Variants in MAP2K5 observed in about 807,000 individuals in gnomAD.
The protein encoded by MAP2K5 is dual specificity mitogen-activated protein kinase kinase 5.
In MAP2K5, 49 loss-of-function variants were observed where a neutral mutation model predicts 83.1. The observed-to-expected ratio is 0.59, with a 90% confidence interval of 0.47 to 0.75. MAP2K5 has a LOEUF of 0.75. Ranked by LOEUF, MAP2K5 falls within the 30% of genes least tolerant of loss-of-function variation. The pLI, the probability that MAP2K5 is intolerant of heterozygous loss-of-function variation, is 0.00. For missense variants in MAP2K5, 457 were observed against 557.5 expected (o/e 0.82, Z 1.82); for synonymous variants, 202 against 191.8 (o/e 1.05, Z -0.44).
At chr15:67,751,288 A>G (rs1009419369) in intron 19 of MAP2K5, among the ~76,000 whole-genome samples, 3 of 152,204 alleles carry the variant, frequency 2.0e-5, no homozygotes, top group Non-Finnish European at 4.4e-5. Flanking sequence ...TTGAGCTCCA[A>G]TCAGAAATCT....
intron 15 of MAP2K5, among the ~76,000 whole-genome samples, chr15:67,700,388 A>G (rs1886323691): frequency 6.6e-6 from 1 of 152,232 alleles, no homozygotes; most frequent in African/African-American, 2.4e-5. Context: ...GTTTTAGACA[A>G]GAGTCATGTT....
At chr15:67,558,652 T>C (rs7167339) in intron 2 of MAP2K5, among the ~76,000 whole-genome samples, 22,430 of 152,174 alleles carry the variant, frequency 0.15, 2,145 homozygotes, top group African/African-American at 0.26. Flanking sequence ...AACCCGTGTG[T>C]TTCTCCCCAA....
Position 67,552,057 on chromosome 15 carries a change from G to T in MAP2K5, c.184+1975G>T, listed in dbSNP as rs1398863930. ...ACTTACCCTGTAAAGTGGACTTGGG[G>T]CCTGAGGCTTGGGTTGGTGGGGGCG... On this transcript the variant is annotated intron_variant, in intron 2 of 21. Coordinates refer to ENST00000178640, the MANE Select transcript of MAP2K5 (RefSeq NM_145160.3). This position sits in a 1 kb window ranked among gnomAD's most constrained non-coding sequence, Gnocchi z 4.2. Among the ~76,000 whole-genome samples, 1 of 151,526 alleles carries T rather than the reference G, an allele frequency of 6.6e-6. No individual in the cohort carries two copies. The highest frequency in any genetic ancestry group is 1.5e-5 in the Non-Finnish European group (1 of 67,940).
intron 16 of MAP2K5, among the ~76,000 whole-genome samples, chr15:67,705,779 G>T (rs2088536153): frequency 6.6e-6 from 1 of 152,030 alleles, no homozygotes; most frequent in African/African-American, 2.4e-5. Context: ...GTCCTCTCTG[G>T]TAAAGTACCA....
Position 67,755,735 on chromosome 15 carries a change from T to A in MAP2K5, c.1134+7134T>A, listed in dbSNP as rs968788516. ...GGCTGTCTTATGTCTTCATTAAGTT[T>A]TATGGTTAAATAGAGTCATAAGAAC... On this transcript the variant is annotated intron_variant, in intron 19 of 21. Coordinates refer to ENST00000178640, the MANE Select transcript of MAP2K5 (RefSeq NM_145160.3). This position sits in a 1 kb window ranked among gnomAD's most constrained non-coding sequence, Gnocchi z 4.7. Among the ~76,000 whole-genome samples, 1 of 152,192 alleles carries A rather than the reference T, an allele frequency of 6.6e-6. No individual in the cohort carries two copies. The highest frequency in any genetic ancestry group is 1.9e-4 in the East Asian group (1 of 5,204).
At position 67,806,781 on chromosome 15, in the gene MAP2K5, C is replaced by A. The variant is rs1351131375; in HGVS notation, c.*31C>A. On this transcript the variant is annotated 3_prime_UTR_variant, in exon 22 of 22. Transcript: ENST00000178640. ...CCGCAGGGCACTGAAAGCCCAGGAC[C>A]AGTAACCAAGGAGAACAACCCACCC... 1.3e-6 allele frequency: 2 copies of A among 1,586,930 alleles called. No individual in the cohort carries two copies. The highest frequency in any genetic ancestry group is 1.7e-6 in the Non-Finnish European group (2 of 1,172,174).
chr15:67,748,424 C>G lies in MAP2K5; in HGVS notation c.1102-145C>G. 1 of 826,968 alleles carries G rather than the reference C, an allele frequency of 1.2e-6. No individual in the cohort carries two copies. The highest frequency in any genetic ancestry group is 1.7e-5 in the African/African-American group (1 of 58,560). The allele number at this position is 826,968 out of a possible 1,614,324, so 51.2% of individuals were successfully genotyped here. On this transcript the variant is annotated intron_variant, in intron 18 of 21. Transcript: ENST00000178640. The surrounding 1 kb of genome is among the most constrained non-coding windows in gnomAD (Gnocchi z 4.0). ...GGTACCATTAGAAATAATAGAACCTCCTGAGCATCAATGTTTTTATAAGAG... is the reference window on the plus strand; with the variant it reads ...GGTACCATTAGAAATAATAGAACCTGCTGAGCATCAATGTTTTTATAAGAG...
intron 2 of MAP2K5, among the ~76,000 whole-genome samples, chr15:67,558,023 A>T (rs1207050508): frequency 5.3e-5 from 8 of 152,174 alleles, no homozygotes; most frequent in Admixed American, 5.2e-4. Flanking sequence ...AATTTGTTGA[A>T]ATTTTGGCTG....
Position 67,724,663 on chromosome 15 carries a change from T to C in MAP2K5, c.1045-3253T>C, listed in dbSNP as rs1373339984. On this transcript the variant is annotated intron_variant, in intron 16 of 21. Coordinates refer to ENST00000178640, the MANE Select transcript of MAP2K5 (RefSeq NM_145160.3). The surrounding 1 kb of genome is among the most constrained non-coding windows in gnomAD (Gnocchi z 4.4). ...ACTTGATAAAAAGAGTTCTAGAGCC[T>C]GGCTATATGTTTCCTTCTACTTTTC... Among the ~76,000 whole-genome samples, 2 of 152,236 alleles carry C rather than the reference T, an allele frequency of 1.3e-5. No homozygotes were observed. Among genetic ancestry groups the C allele is most frequent in the Non-Finnish European group, 2.9e-5 (2 of 68,044 alleles).
Position 67,720,033 on chromosome 15 carries a change from G to A in MAP2K5, c.1045-7883G>A, listed in dbSNP as rs1399447298. 1.3e-5 allele frequency among the ~76,000 whole-genome samples: 2 copies of A among 152,038 alleles called. No homozygotes were observed. The highest frequency in any genetic ancestry group is 1.9e-4 in the East Asian group (1 of 5,188). On this transcript the variant is annotated intron_variant, in intron 16 of 21. Transcript: ENST00000178640. This position sits in a 1 kb window ranked among gnomAD's most constrained non-coding sequence, Gnocchi z 5.7. Reference sequence around the variant, plus strand: ...CTGTTGATGGAAATCAACATGGAACGGTTAAAGTGTCTGTAAAGCTACAAA... The same window carrying A: ...CTGTTGATGGAAATCAACATGGAACAGTTAAAGTGTCTGTAAAGCTACAAA...
rs971905585 is a variant in MAP2K5, at chr15:67,760,365, G to A, written c.1135-9237G>A. Among the ~76,000 whole-genome samples the A allele has an allele frequency of 1.3e-5, 2 of 152,082 alleles. 1 individual carries two copies. Among genetic ancestry groups the A allele is most frequent in the Admixed American group, 1.3e-4 (2 of 15,276 alleles). On this transcript the variant is annotated intron_variant, in intron 19 of 21. Transcript: ENST00000178640. This position sits in a 1 kb window ranked among gnomAD's most constrained non-coding sequence, Gnocchi z 4.1. ...ATTTTTTCCTCATAGTCTGAAGGAT[G>A]TACAAAGTCACTTGAAGTAAAAAAA...
chr15:67,626,536 A>G (rs185526772), intron 8 of MAP2K5, among the ~76,000 whole-genome samples: 2 of 152,222 alleles, frequency 1.3e-5, no homozygotes, highest in Non-Finnish European at 2.9e-5. Flanking sequence ...TAAACAAGCA[A>G]ACAAACAAAA....
rs1416925802 is a variant in MAP2K5, at chr15:67,755,069, G to T, written c.1134+6468G>T. ...GGCTCACTGCAACCTCCGCCTCCTG[G>T]GTTCATGCAATCCTCCCACCTCAGC... is the stretch of plus-strand genomic sequence containing the variant. On this transcript the variant is annotated intron_variant, in intron 19 of 21. Coordinates refer to ENST00000178640, the MANE Select transcript of MAP2K5 (RefSeq NM_145160.3). This position sits in a 1 kb window ranked among gnomAD's most constrained non-coding sequence, Gnocchi z 4.7. 6.6e-6 allele frequency among the ~76,000 whole-genome samples: 1 copy of T among 152,046 alleles called. No individual in the cohort carries two copies. Among genetic ancestry groups the T allele is most frequent in the Non-Finnish European group, 1.5e-5 (1 of 67,984 alleles).
At chr15:67,682,415 G>A (rs1450029058) in intron 13 of MAP2K5, among the ~76,000 whole-genome samples, 3 of 151,932 alleles carry the variant, frequency 2.0e-5, no homozygotes, top group South Asian at 4.1e-4. Flanking sequence ...AGTAAAGACA[G>A]GGTTTTGCCA....
chr15:67,765,426 C>T (rs971020250), intron 19 of MAP2K5, among the ~76,000 whole-genome samples: 5 of 152,124 alleles, frequency 3.3e-5, no homozygotes, highest in Non-Finnish European at 5.9e-5. Flanking sequence ...AGATACAAGA[C>T]ACAAACCACT....
chr15:67,589,022 G>A lies in MAP2K5; in HGVS notation c.431+2109G>A, dbSNP rs190637481. ...TTTTTTTAAATTTTTTTAATTTTTAGTTTGTAGAGACGGGGTCTCACTGTG... is the reference window on the plus strand; with the variant it reads ...TTTTTTTAAATTTTTTTAATTTTTAATTTGTAGAGACGGGGTCTCACTGTG... On this transcript the variant is annotated intron_variant, in intron 6 of 21. Transcript: ENST00000178640. Among the ~76,000 whole-genome samples the A allele has an allele frequency of 8.6e-5, 13 of 151,336 alleles. No individual in the cohort carries two copies. The East Asian group carries it at 2.5e-3, about 29-fold the overall frequency.
chr15:67,619,765 A>G (rs2086138982), intron 8 of MAP2K5, among the ~76,000 whole-genome samples: 1 of 147,238 alleles, frequency 6.8e-6, no homozygotes, highest in South Asian at 2.2e-4. Flanking sequence ...TTGTTCTACA[A>G]AAAATAAAAA....
rs887851331 is a variant in MAP2K5 at position 67,708,946 on chromosome 15, C to T, written c.1044+5538C>T. ...GTTGGTGGGGTAAAGGACATCTCTT[C>T]CAGGTTTTTGTCAACTGAATGTAGT... On this transcript the variant is annotated intron_variant, in intron 16 of 21. Transcript: ENST00000178640. The surrounding 1 kb of genome is among the most constrained non-coding windows in gnomAD (Gnocchi z 4.9). 1.3e-5 allele frequency among the ~76,000 whole-genome samples: 2 copies of T among 152,174 alleles called. No individual in the cohort carries two copies. The highest frequency in any genetic ancestry group is 2.4e-5 in the African/African-American group (1 of 41,442).
intron 1 of MAP2K5, chr15:67,548,992 TA>T: frequency 7.1e-7 from 1 of 1,417,390 alleles, no homozygotes; most frequent in Non-Finnish European, 9.2e-7. Flanking sequence ...GAATTGCCTT[TA>T]GAAGGAAGTT....
Sources: allele counts gnomAD v4.1 joint callset (sites outside exome capture counted in the v4.1 genomes callset), GRCh38; gene constraint gnomAD v4.1.1; non-coding constraint Gnocchi (gnomAD v3.1); transcripts MANE v1.5; gene names NCBI Gene and HGNC (gene_info 2026-07-23, HGNC 2026-07-21).